IL1RAPL2: variants seen among roughly 807,000 people sequenced by gnomAD.
IL1RAPL2 encodes the protein interleukin 1 receptor accessory protein like 2.
IL1RAPL2 carries 3 observed loss-of-function variants against 44.1 expected under a neutral mutation model. The ratio of observed to expected loss-of-function variants is 0.07; its 90% CI spans 0.03 to 0.18. IL1RAPL2 has a LOEUF of 0.18. Ranked by LOEUF, IL1RAPL2 falls within the 10% of genes least tolerant of loss-of-function variation. The pLI, the probability that IL1RAPL2 is intolerant of heterozygous loss-of-function variation, is 1.00. For missense variants in IL1RAPL2, 391 were observed against 496.4 expected (o/e 0.79, Z 2.02); for synonymous variants, 181 against 178.8 (o/e 1.01, Z -0.10).
chrX:105,554,812 T>C (rs2036885149), intron 6 of IL1RAPL2, among the ~76,000 whole-genome samples: 1 of 111,950 alleles, frequency 8.9e-6, no homozygotes, highest in South Asian at 3.7e-4. Context: ...CCTTAAATCC[T>C]TGAACATAGT....
chrX:105,548,854 T>C (rs1380370226), intron 6 of IL1RAPL2, among the ~76,000 whole-genome samples: 3 of 112,365 alleles, frequency 2.7e-5, no homozygotes, highest in African/African-American at 6.5e-5. Flanking sequence ...AAATAAATGG[T>C]AGCTATTAGC....
intron 2 of IL1RAPL2, among the ~76,000 whole-genome samples, chrX:104,832,089 A>ACT (rs1569322748): frequency 9.0e-6 from 1 of 111,075 alleles, no homozygotes; most frequent in Non-Finnish European, 1.9e-5. Flanking sequence ...TTTCTATATC[A>ACT]TGCATTAGCA....
intron 2 of IL1RAPL2, among the ~76,000 whole-genome samples, chrX:104,765,175 C>A (rs1448668543): frequency 9.0e-6 from 1 of 111,308 alleles, no homozygotes; most frequent in Non-Finnish European, 1.9e-5. Flanking sequence ...CCATCAGGTC[C>A]TGAGCTTTTT....
At chrX:105,283,879 G>T (rs919068889) in intron 5 of IL1RAPL2, among the ~76,000 whole-genome samples, 1 of 110,974 alleles carries the variant, frequency 9.0e-6, no homozygotes, top group African/African-American at 3.3e-5. Flanking sequence ...CAGCTCCTAG[G>T]CCCTATGTTA....
At chrX:105,105,389 G>T (rs368084614) in intron 2 of IL1RAPL2, among the ~76,000 whole-genome samples, 8 of 111,705 alleles carry the variant, frequency 7.2e-5, no homozygotes, top group African/African-American at 2.6e-4. Context: ...ACTCATTCTA[G>T]ATCAAGGGGG....
intron 2 of IL1RAPL2, among the ~76,000 whole-genome samples, chrX:104,876,651 CT>C (rs777164255): frequency 0.017 from 1,131 of 64,649 alleles, 8 homozygotes; most frequent in Middle Eastern, 0.11. Context: ...ATATAGCTTT[CT>C]TTTTTTTTTT....
At chrX:105,246,303 A>G (rs1041637933) in intron 4 of IL1RAPL2, among the ~76,000 whole-genome samples, 7 of 112,347 alleles carry the variant, frequency 6.2e-5, no homozygotes, top group Non-Finnish European at 1.3e-4. Flanking sequence ...ATGGTACATA[A>G]TAGTCAGGAG....
intron 2 of IL1RAPL2, among the ~76,000 whole-genome samples, chrX:105,132,958 C>T (rs749591332): frequency 9.0e-6 from 1 of 111,691 alleles, no homozygotes; most frequent in Non-Finnish European, 1.9e-5. Flanking sequence ...ATATGTGTAG[C>T]GTTCCTTGCA....
intron 6 of IL1RAPL2, among the ~76,000 whole-genome samples, chrX:105,559,747 A>G (rs2036920742): frequency 9.0e-6 from 1 of 111,520 alleles, no homozygotes; most frequent in African/African-American, 3.3e-5. Context: ...TACTCTTCAA[A>G]GTAACATACC....
At chrX:105,102,543 C>T (rs1487971302) in intron 2 of IL1RAPL2, among the ~76,000 whole-genome samples, 1 of 111,970 alleles carries the variant, frequency 8.9e-6, no homozygotes. Flanking sequence ...TGTGTACACA[C>T]ACTTACATAA....
intron 5 of IL1RAPL2, chrX:105,405,937 T>A: frequency 8.5e-7 from 1 of 1,176,040 alleles, no homozygotes; most frequent in East Asian, 3.0e-5. Flanking sequence ...GATGTTTTGT[T>A]TGTTTGTGAA....
At chrX:104,629,038 T>C (rs1334818887) in intron 1 of IL1RAPL2, among the ~76,000 whole-genome samples, 1 of 111,556 alleles carries the variant, frequency 9.0e-6, no homozygotes, top group Non-Finnish European at 1.9e-5. Flanking sequence ...GAAAAACAGA[T>C]ATGATTCCAC....
intron 5 of IL1RAPL2, among the ~76,000 whole-genome samples, chrX:105,313,417 C>G (rs1290997225): frequency 8.9e-6 from 1 of 111,940 alleles, no homozygotes; most frequent in Non-Finnish European, 1.9e-5. Flanking sequence ...GGACAAACAT[C>G]AGGACTCGAT....
intron 2 of IL1RAPL2, among the ~76,000 whole-genome samples, chrX:104,800,963 G>A (rs926771084): frequency 2.7e-5 from 3 of 112,586 alleles, no homozygotes; most frequent in Non-Finnish European, 3.8e-5. Context: ...AGATGTCCAG[G>A]GAATCTACCA....
intron 5 of IL1RAPL2, among the ~76,000 whole-genome samples, chrX:105,404,091 T>A (rs2035625012): frequency 8.9e-6 from 1 of 111,849 alleles, no homozygotes; most frequent in Admixed American, 9.5e-5. Flanking sequence ...AATTGATTGA[T>A]CCTTGTGTCC....
intron 5 of IL1RAPL2, chrX:105,406,957 C>T: frequency 9.0e-7 from 1 of 1,113,369 alleles, no homozygotes; most frequent in Non-Finnish European, 1.2e-6. Flanking sequence ...GTGCGATCTT[C>T]AAGAAGCCAA....
At chrX:104,917,150 G>A (rs1420277697) in intron 2 of IL1RAPL2, among the ~76,000 whole-genome samples, 7 of 111,653 alleles carry the variant, frequency 6.3e-5, no homozygotes, top group African/African-American at 2.3e-4. Context: ...AATGGTACCA[G>A]CTCCTCTTTG....
chrX:104,977,952 G>A (rs750880682), intron 2 of IL1RAPL2, among the ~76,000 whole-genome samples: 68 of 111,936 alleles, frequency 6.1e-4, no homozygotes, highest in Middle Eastern at 4.6e-3. Flanking sequence ...TCCAAGTGTT[G>A]CTATGACAGT....
intron 3 of IL1RAPL2, among the ~76,000 whole-genome samples, chrX:105,223,368 C>G (rs1225046543): frequency 1.8e-5 from 2 of 111,114 alleles, no homozygotes; most frequent in Non-Finnish European, 3.8e-5. Context: ...CTTCATGGAT[C>G]TCCTCCTTTC....
Sources: allele counts gnomAD v4.1 joint callset (sites outside exome capture counted in the v4.1 genomes callset), GRCh38; gene constraint gnomAD v4.1.1; transcripts MANE v1.5; gene names NCBI Gene and HGNC (gene_info 2026-07-23, HGNC 2026-07-21).